Variants in TANC2 observed in about 807,000 individuals in gnomAD.
TANC2 encodes protein TANC2.
TANC2 carries 26 observed loss-of-function variants against 210.5 expected under a neutral mutation model. The observed-to-expected ratio is 0.12, with a 90% CI of 0.09 to 0.17. The LOEUF is 0.17. TANC2 is among the 10% of genes least tolerant of loss of function. TANC2 has a pLI of 1.00. For missense variants in TANC2, 2,129 were observed against 2,608.9 expected, an observed-to-expected ratio of 0.82 and a Z score of 4.01; for synonymous variants, 931 against 967.1, an observed-to-expected ratio of 0.96 and a Z score of 0.69.
chr17:63,307,772 T>TGTTGTTGTTGTTGTTGTTGTTGTTG (rs5821385), intron 9 of TANC2, among the ~76,000 whole-genome samples: 2 of 151,030 alleles, frequency 1.3e-5, no homozygotes, highest in African/African-American at 4.9e-5. Flanking sequence ...TTGTTGTTGT[T>TGTTGTTGTTGTTGTTGTTGTTGTTG]TTGTTGTTTT....
chr17:63,131,193 C>A (rs1295917294), intron 4 of TANC2, among the ~76,000 whole-genome samples: 1 of 152,166 alleles, frequency 6.6e-6, no homozygotes, highest in Non-Finnish European at 1.5e-5. Context: ...AAGACTGATT[C>A]TCCACCACAG....
At chr17:63,345,523 G>A (rs968211736) in intron 12 of TANC2, among the ~76,000 whole-genome samples, 3 of 151,392 alleles carry the variant, frequency 2.0e-5, no homozygotes, top group African/African-American at 7.3e-5. Flanking sequence ...GGAGGCTGAG[G>A]CAGGAGAATC....
chr17:63,325,873 A>G (rs2045630457), intron 11 of TANC2, among the ~76,000 whole-genome samples: 1 of 152,246 alleles, frequency 6.6e-6, no homozygotes, highest in Non-Finnish European at 1.5e-5. Context: ...TAAACTGTAG[A>G]TTGAATGTAC....
intron 2 of TANC2, among the ~76,000 whole-genome samples, chr17:63,034,871 A>T (rs1023026497): frequency 6.6e-6 from 1 of 152,210 alleles, no homozygotes; most frequent in African/African-American, 2.4e-5. Context: ...GTTTCTTGAG[A>T]TGGAATCTGT....
intron 1 of TANC2, among the ~76,000 whole-genome samples, chr17:62,983,351 GTTTTA>G (rs200654369): frequency 0.013 from 2,034 of 151,756 alleles, 17 homozygotes; most frequent in Middle Eastern, 0.024. Context: ...GGGTCTTTAG[GTTTTA>G]TTTTATTTTT....
intron 1 of TANC2, chr17:62,967,314 A>G (rs1191857805): frequency 1.3e-5 from 2 of 152,200 alleles, no homozygotes; most frequent in Non-Finnish European, 2.9e-5. Context: ...AGGTAGAGAA[A>G]GTAACCACGT....
intron 2 of TANC2, among the ~76,000 whole-genome samples, chr17:63,055,984 AAAAAAAATATATATATAT>A (rs1299712212): frequency 3.5e-4 from 6 of 17,304 alleles, no homozygotes; most frequent in East Asian, 2.2e-3. Flanking sequence ...AAAAAAAAAA[AAAAAAAATATATATATAT>A]ATATATATAT....
At chr17:63,415,453 A>T (rs890293962) in intron 25 of TANC2, 75 bp from the exon 26 acceptor site, 11 of 1,556,718 alleles carry the variant, frequency 7.1e-6, no homozygotes, top group Non-Finnish European at 8.7e-6. Context: ...TGAGAAGAAG[A>T]AGGGAGTGGG....
chr17:63,099,415 T>A (rs930610697), intron 4 of TANC2, 58 bp downstream of exon 4: 2 of 1,304,894 alleles, frequency 1.5e-6, no homozygotes, highest in Non-Finnish European at 2.1e-6. Context: ...TATGACACTT[T>A]AGGTCACGTC....
intron 7 of TANC2, among the ~76,000 whole-genome samples, chr17:63,202,760 TA>T (rs1236461424): frequency 6.6e-6 from 1 of 152,184 alleles, no homozygotes; most frequent in East Asian, 1.9e-4. Flanking sequence ...CTCAGTTTAT[TA>T]CTTTTCCCTT....
At chr17:63,336,011 A>G (rs2146754084) in intron 11 of TANC2, among the ~76,000 whole-genome samples, 1 of 152,342 alleles carries the variant, frequency 6.6e-6, no homozygotes. Flanking sequence ...TTACTGAGGC[A>G]GAACTCTAGC....
intron 4 of TANC2, among the ~76,000 whole-genome samples, chr17:63,121,688 A>G (rs2038485191): frequency 6.6e-6 from 1 of 152,192 alleles, no homozygotes; most frequent in African/African-American, 2.4e-5. Context: ...AGGAAAATAT[A>G]CTACATTTTC....
At chr17:63,119,099 A>G (rs2038364268) in intron 4 of TANC2, among the ~76,000 whole-genome samples, 1 of 152,030 alleles carries the variant, frequency 6.6e-6, no homozygotes, top group Non-Finnish European at 1.5e-5. Context: ...TAATTTTTTT[A>G]AAACATTTTT....
At chr17:63,317,243 G>A (rs949031618) in intron 10 of TANC2, among the ~76,000 whole-genome samples, 1 of 152,124 alleles carries the variant, frequency 6.6e-6, no homozygotes, top group Non-Finnish European at 1.5e-5. Flanking sequence ...TGGAAGATAG[G>A]AGCAGTTTAG....
chr17:63,081,724 G>T (rs547654179), intron 3 of TANC2, among the ~76,000 whole-genome samples: 1 of 152,274 alleles, frequency 6.6e-6, no homozygotes, highest in East Asian at 1.9e-4. Context: ...CTTGGAATAC[G>T]TAGCCCCAAG....
At chr17:63,416,697 C>G (rs1299231168) in intron 26 of TANC2, among the ~76,000 whole-genome samples, 3 of 152,232 alleles carry the variant, frequency 2.0e-5, no homozygotes, top group African/African-American at 7.2e-5. Flanking sequence ...TTAAACCTAT[C>G]TCAGAGAACA....
chr17:63,336,580 T>C (rs2046036905), intron 11 of TANC2, among the ~76,000 whole-genome samples: 1 of 152,236 alleles, frequency 6.6e-6, no homozygotes. Context: ...TTTCTGTATA[T>C]AGCCCACAGG....
chr17:63,327,762 A>G (rs1269547938), intron 11 of TANC2, among the ~76,000 whole-genome samples: 2 of 152,130 alleles, frequency 1.3e-5, no homozygotes, highest in African/African-American at 4.8e-5. Flanking sequence ...AAAAAAAAAG[A>G]ATGAAATCAT....
chr17:63,311,863 G>C (rs1684101057), intron 9 of TANC2, among the ~76,000 whole-genome samples: 1 of 152,184 alleles, frequency 6.6e-6, no homozygotes, highest in African/African-American at 2.4e-5. Flanking sequence ...CTATGATTCT[G>C]TTTATATGAA....
Sources: gnomAD v4.1 joint callset for allele counts (sites outside exome capture counted in the v4.1 genomes callset) on GRCh38, gnomAD v4.1.1 for gene constraint, MANE v1.5 for transcripts, NCBI Gene and HGNC (gene_info 2026-07-23, HGNC 2026-07-21) for gene names.